Variants in OTOP2 observed in about 807,000 individuals in gnomAD.
The protein encoded by OTOP2 is proton channel OTOP2.
A neutral mutation model predicts 47.4 loss-of-function variants in OTOP2; 41 were observed. That is an observed-to-expected ratio of 0.87 (90% CI 0.67 to 1.12). The LOEUF (loss-of-function observed/expected upper bound fraction) is 1.12, where lower values mean the gene tolerates loss of function less well. Among genes scored for constraint, OTOP2 ranks in the 50% most tolerant of loss-of-function variants. OTOP2 has a pLI of 0.00. For synonymous variants in OTOP2, 328 were observed against 319.6 expected, an observed-to-expected ratio of 1.03 and a Z score of -0.28; for missense variants, 721 against 752.2, an observed-to-expected ratio of 0.96 and a Z score of 0.49.
rs2039079344 is a variant in OTOP2 at position 74,933,546 on chromosome 17, G to A, written c.*1G>A. The A allele has an allele frequency of 6.3e-7, 1 of 1,592,346 alleles. No individual in the cohort carries two copies. Among genetic ancestry groups the A allele is most frequent in the Non-Finnish European group, 8.6e-7 (1 of 1,163,126 alleles). On this transcript the variant is annotated 3_prime_UTR_variant, in exon 7 of 7. Transcript: ENST00000331427. The surrounding 1 kb of genome is among the most constrained non-coding windows in gnomAD (Gnocchi z 4.7). ...GCTGGAGGTCTACGTGCTGTCCTGA[G>A]GCCTCCAACAGAGGCATGGGGGGCA...
rs760519391 is a variant in OTOP2 at position 74,927,221 on chromosome 17, A to C, written c.451-2A>C. The C allele has an allele frequency of 6.2e-7, 1 of 1,611,630 alleles. No individual in the cohort carries two copies. The highest frequency in any genetic ancestry group is 1.1e-5 in the South Asian group (1 of 91,024). On this transcript the variant is annotated splice_acceptor_variant, in intron 3 of 6. Coordinates refer to ENST00000331427, the MANE Select transcript of OTOP2 (RefSeq NM_178160.3). LOFTEE classifies it high-confidence loss of function. ...GACTCTCACCAATGTCTCTCCATAC[A>C]GACCTACTTTCTCTGGGTCTCTGCT...
In OTOP2 at chr17:74,930,913, C is replaced by T; in HGVS notation, c.1278C>T (p.His426=). The part of the protein sequence containing the change: ...FQNMFIIESL[H]RGPPGAEPHS... ...ACATGTTTATCATCGAGAGCCTTCACCGAGGACCGCCCGGGGCTGAGCCTC... is the reference window on the plus strand; with the variant it reads ...ACATGTTTATCATCGAGAGCCTTCATCGAGGACCGCCCGGGGCTGAGCCTC... Residue 426 remains histidine, a synonymous_variant, in exon 6 of 7, where the codon CAC becomes CAT. Coordinates refer to ENST00000331427, the MANE Select transcript of OTOP2 (RefSeq NM_178160.3). The surrounding 1 kb of genome is among the most constrained non-coding windows in gnomAD (Gnocchi z 4.0). 6.2e-7 allele frequency: 1 copy of T among 1,614,066 alleles called. No individual in the cohort carries two copies. Among genetic ancestry groups the T allele is most frequent in the Non-Finnish European group, 8.5e-7 (1 of 1,180,010 alleles).
At chr17:74,925,835 C>T in intron 3 of OTOP2, 143 bp downstream of exon 3, 2 of 1,239,054 alleles carry the variant, frequency 1.6e-6, no homozygotes. Flanking sequence ...CTGTAGAGAG[C>T]ATCACAGGAG....
intron 6 of OTOP2, 87 bp downstream of exon 6, chr17:74,931,240 G>C: frequency 6.7e-7 from 1 of 1,484,650 alleles, no homozygotes; most frequent in Non-Finnish European, 9.0e-7. Context: ...AGCCTTCTCT[G>C]TCTTGCCCCC....
Position 74,930,419 on chromosome 17 carries a change from T to C in OTOP2, c.784T>C (p.Trp262Arg), listed in dbSNP as rs1383695855. The change falls in exon 6 of 7, where the codon TGG becomes CGG. Residue 262 changes from tryptophan (W) to arginine (R), a missense_variant. Coordinates refer to ENST00000331427, the MANE Select transcript of OTOP2 (RefSeq NM_178160.3). The surrounding 1 kb of genome is among the most constrained non-coding windows in gnomAD (Gnocchi z 4.0). ...LFASTMLYVM[W>R]KNVGRFLAST... is the part of the protein sequence containing the mutation. ...CGCCTCCACCATGCTGTATGTCATG[T>C]GGAAGAATGTGGGTAGATTCCTGGC... is the stretch of plus-strand genomic sequence containing the variant. 6.2e-7 allele frequency: 1 copy of C among 1,614,164 alleles called. No individual in the cohort carries two copies. The highest frequency in any genetic ancestry group is 8.5e-7 in the Non-Finnish European group (1 of 1,180,012).
At chr17:74,929,412 GTTTT>G (rs982152622) in intron 5 of OTOP2, among the ~76,000 whole-genome samples, 4 of 151,470 alleles carry the variant, frequency 2.6e-5, no homozygotes, top group African/African-American at 9.7e-5. Flanking sequence ...AAACTGTTTT[GTTTT>G]TTTGTTTGTT....
At chr17:74,932,265 C>G (rs1229767439) in intron 6 of OTOP2, among the ~76,000 whole-genome samples, 1 of 152,150 alleles carries the variant, frequency 6.6e-6, no homozygotes, top group East Asian at 1.9e-4. Context: ...TAGAAAATTA[C>G]TTAATGTGGG....
rs1193716289 is a variant in OTOP2 at position 74,924,476 on chromosome 17, C to T, written c.-33-124C>T. On this transcript the variant is annotated intron_variant, in intron 1 of 6. Transcript: ENST00000331427. This position sits in a 1 kb window ranked among gnomAD's most constrained non-coding sequence, Gnocchi z 7.7. ...TTTCTCTTCCCCTTTCCCAGCGCTT[C>T]CTCCAGCACCCGAAGCCCCAACCCT... 1.2e-6 allele frequency: 1 copy of T among 802,736 alleles called. No individual in the cohort carries two copies. The highest frequency in any genetic ancestry group is 3.3e-5 in the Admixed American group (1 of 30,552). 49.7% of individuals were successfully genotyped at this position (802,736 alleles called of 1,614,324 possible). A position where few individuals can be genotyped will look rare whatever the true frequency, so the allele number is the denominator to read the frequency against.
intron 3 of OTOP2, 54 bp downstream of exon 3, chr17:74,925,746 G>T (rs2039001808): frequency 1.2e-6 from 2 of 1,608,138 alleles, no homozygotes; most frequent in Non-Finnish European, 8.5e-7. Context: ...TTGGCCATTG[G>T]GAAGGACCCA....
At chr17:74,926,327 GT>G (rs890677260) in intron 3 of OTOP2, among the ~76,000 whole-genome samples, 4 of 152,140 alleles carry the variant, frequency 2.6e-5, no homozygotes, top group Admixed American at 2.6e-4. Flanking sequence ...CATTTATGTA[GT>G]TTTAGTCTTT....
intron 5 of OTOP2, 44 bp downstream of exon 5, chr17:74,927,842 G>C: frequency 6.2e-7 from 1 of 1,600,414 alleles, no homozygotes; most frequent in Non-Finnish European, 8.5e-7. Flanking sequence ...CCAGGCCTTG[G>C]GCCGGGTGCT....
chr17:74,930,245 G>T lies in OTOP2; in HGVS notation c.644-34G>T. The T allele has an allele frequency of 6.3e-7, 1 of 1,584,428 alleles. No individual in the cohort carries two copies. Among genetic ancestry groups the T allele is most frequent in the Non-Finnish European group, 8.6e-7 (1 of 1,159,822 alleles). ...GTGAGACCTCTCTAGGAAGGCAGGA[G>T]GGCTGTCCAGCCCTGTGTCTCTCTC... On this transcript the variant is annotated intron_variant, in intron 5 of 6. Coordinates refer to ENST00000331427, the MANE Select transcript of OTOP2 (RefSeq NM_178160.3). This position sits in a 1 kb window ranked among gnomAD's most constrained non-coding sequence, Gnocchi z 4.0.
chr17:74,925,453 C>T (rs774491072), intron 2 of OTOP2, 103 bp from the exon 3 acceptor site: 8 of 1,483,810 alleles, frequency 5.4e-6, no homozygotes, highest in Non-Finnish European at 7.3e-6. Context: ...CCCATCCACC[C>T]ACCCATCTAG....
chr17:74,929,456 T>C (rs1478896472), intron 5 of OTOP2, among the ~76,000 whole-genome samples: 17 of 152,086 alleles, frequency 1.1e-4, no homozygotes, highest in Non-Finnish European at 5.9e-5. Flanking sequence ...GACAGAGTCT[T>C]GCTCTGTCAC....
In OTOP2 at chr17:74,930,727, G is replaced by A. The variant is rs150890021; in HGVS notation, c.1092G>A (p.Thr364=). The A allele has an allele frequency of 5.6e-6, 9 of 1,614,018 alleles. No individual in the cohort carries two copies. Among genetic ancestry groups the A allele is most frequent in the South Asian group, 1.1e-5 (1 of 91,086 alleles). ...CCATGGACCACCATAAGAACCCCAC[G>A]CGCACTCTGGACGTGGCCCTGCTGA... ...RRAMDHHKNP[T]RTLDVALLMG... The change falls in exon 6 of 7, where the codon ACG becomes ACA. Residue 364 remains threonine (T), a synonymous_variant. Coordinates refer to ENST00000331427, the MANE Select transcript of OTOP2 (RefSeq NM_178160.3). This position sits in a 1 kb window ranked among gnomAD's most constrained non-coding sequence, Gnocchi z 4.0.
At chr17:74,926,855 A>G (rs1426253723) in intron 3 of OTOP2, among the ~76,000 whole-genome samples, 1 of 151,554 alleles carries the variant, frequency 6.6e-6, no homozygotes, top group Non-Finnish European at 1.5e-5. Context: ...TCCTGGGTTC[A>G]AGCGATTCTC....
intron 6 of OTOP2, 78 bp downstream of exon 6, chr17:74,931,231 G>T: frequency 6.6e-7 from 1 of 1,505,082 alleles, no homozygotes. Context: ...TAAGCCCTTA[G>T]CCTTCTCTGT....
At chr17:74,931,229 T>G in intron 6 of OTOP2, 76 bp downstream of exon 6, 1 of 1,504,064 alleles carries the variant, frequency 6.6e-7, no homozygotes, top group Non-Finnish European at 8.9e-7. Flanking sequence ...CTTAAGCCCT[T>G]AGCCTTCTCT....
chr17:74,927,039 T>G (rs1165391802), intron 3 of OTOP2, among the ~76,000 whole-genome samples, 184 bp from the exon 4 acceptor site: 1 of 152,230 alleles, frequency 6.6e-6, no homozygotes, highest in Non-Finnish European at 1.5e-5. Flanking sequence ...CCTCCCAAAG[T>G]GCTGGGATTA....
Sources: gnomAD v4.1 joint callset for allele counts (sites outside exome capture counted in the v4.1 genomes callset) on GRCh38, gnomAD v4.1.1 for gene constraint, Gnocchi (gnomAD v3.1) non-coding constraint, MANE v1.5 for transcripts, NCBI Gene and HGNC (gene_info 2026-07-23, HGNC 2026-07-21) for gene names.